Variants in PTK2 observed in about 807,000 individuals in gnomAD.
PTK2 encodes the protein focal adhesion kinase 1.
Under a neutral mutation model 150.1 loss-of-function variants are expected in PTK2, and 45 were observed. The observed-to-expected ratio is 0.30, with a 90% CI of 0.24 to 0.38. The LOEUF is 0.38. PTK2 is among the 10% of genes least tolerant of loss of function. PTK2 has a pLI of 1.00. For missense variants in PTK2, 919 were observed against 1,307.3 expected, an observed-to-expected ratio of 0.70 and a Z score of 4.58; for synonymous variants, 432 against 449.2, an observed-to-expected ratio of 0.96 and a Z score of 0.48.
At chr8:140,694,774 A>C (rs1415969530) in intron 26 of PTK2, among the ~76,000 whole-genome samples, 1 of 152,202 alleles carries the variant, frequency 6.6e-6, no homozygotes, top group Non-Finnish European at 1.5e-5. Flanking sequence ...GACCACAACG[A>C]GATATAATTA....
At chr8:140,701,050 T>G (rs2100030106) in intron 25 of PTK2, 28 bp from the exon 29 acceptor site, 1 of 1,608,578 alleles carries the variant, frequency 6.2e-7, no homozygotes, top group Non-Finnish European at 8.5e-7. Context: ...AACAGCATAT[T>G]CAGTCTCATA....
At chr8:140,901,292 C>T (rs1304230385) in intron 2 of PTK2, among the ~76,000 whole-genome samples, 18 of 152,152 alleles carry the variant, frequency 1.2e-4, no homozygotes, top group Admixed American at 1.1e-3. Flanking sequence ...AAAGACTCAA[C>T]TCTAAGACCT....
chr8:140,891,729 T>C (rs146588074), intron 2 of PTK2, among the ~76,000 whole-genome samples: 1 of 152,296 alleles, frequency 6.6e-6, no homozygotes, highest in African/African-American at 2.4e-5. Context: ...TGAAGACAGT[T>C]ACGGAATCCT....
intron 14 of PTK2, among the ~76,000 whole-genome samples, chr8:140,775,249 C>T (rs531626479): frequency 6.6e-6 from 1 of 152,084 alleles, no homozygotes; most frequent in African/African-American, 2.4e-5. Flanking sequence ...CTAGGGGAGG[C>T]AGAGGTGGGC....
intron 5 of PTK2, among the ~76,000 whole-genome samples, chr8:140,852,594 T>G (rs1389532568): frequency 2.6e-5 from 4 of 152,240 alleles, no homozygotes; most frequent in Admixed American, 6.5e-5. Flanking sequence ...CAAAACTCAC[T>G]AAACTGCATA....
At chr8:140,972,218 GTATT>G (rs1368920353) in intron 1 of PTK2, among the ~76,000 whole-genome samples, 1 of 151,798 alleles carries the variant, frequency 6.6e-6, no homozygotes, top group Non-Finnish European at 1.5e-5. Context: ...CATTAGACCT[GTATT>G]TTTTTAATTA....
chr8:140,932,168 C>T (rs1048763701), intron 1 of PTK2, among the ~76,000 whole-genome samples: 56 of 152,106 alleles, frequency 3.7e-4, no homozygotes, highest in African/African-American at 1.3e-3. Context: ...GCATGTTAAA[C>T]ATAATCACGC....
chr8:140,717,638 A>C, exon 23 of PTK2: 7 of 1,614,098 alleles, frequency 4.3e-6, no homozygotes, highest in Non-Finnish European at 5.9e-6. Context: ...GTCCCAGGAC[A>C]CTGTGGCCTG....
chr8:140,725,588 G>C lies in PTK2; in HGVS notation c.2031-7879C>G, dbSNP rs111539408. On this transcript the variant is annotated intron_variant, in intron 22 of 31. Transcript: ENST00000522684. ...TGGAGCAATTATAGCTAGCAAAAAGGTAATCGGAAAAAAGTGAAGGGAGAA... is the reference window on the plus strand; with the variant it reads ...TGGAGCAATTATAGCTAGCAAAAAGCTAATCGGAAAAAAGTGAAGGGAGAA... Among the ~76,000 whole-genome samples the C allele has an allele frequency of 2.7e-3, 408 of 152,286 alleles. 3 individuals are homozygous for C. The highest frequency in any genetic ancestry group is 9.3e-3 in the African/African-American group (387 of 41,574).
At chr8:140,949,952 A>G (rs1416854604) in intron 1 of PTK2, among the ~76,000 whole-genome samples, 1 of 151,894 alleles carries the variant, frequency 6.6e-6, no homozygotes, top group Non-Finnish European at 1.5e-5. Flanking sequence ...CTCCCTTCTG[A>G]GCCCATAAAA....
chr8:140,810,100 TG>T (rs1317213287), intron 10 of PTK2, among the ~76,000 whole-genome samples: 3 of 151,748 alleles, frequency 2.0e-5, no homozygotes, highest in Non-Finnish European at 4.4e-5. Context: ...AATGGGTGAG[TG>T]GAACTGGCAA....
At chr8:140,773,662 G>A (rs574090144) in intron 14 of PTK2, among the ~76,000 whole-genome samples, 1 of 152,204 alleles carries the variant, frequency 6.6e-6, no homozygotes, top group African/African-American at 2.4e-5. Context: ...AGGGGGAGGT[G>A]GCACTGAGAT....
intron 1 of PTK2, among the ~76,000 whole-genome samples, chr8:140,982,981 G>C (rs943720521): frequency 4.6e-5 from 7 of 152,232 alleles, no homozygotes; most frequent in African/African-American, 1.7e-4. Context: ...TAACAGAAAA[G>C]TCACAGAATT....
intron 23 of PTK2, among the ~76,000 whole-genome samples, chr8:140,712,470 A>G (rs1331878218): frequency 4.6e-5 from 7 of 152,210 alleles, no homozygotes. Context: ...TGACACCAAA[A>G]TGCAAGTGGT....
chr8:140,970,946 AAC>A (rs557329445), intron 1 of PTK2, among the ~76,000 whole-genome samples: 153 of 152,260 alleles, frequency 1.0e-3, no homozygotes, highest in Non-Finnish European at 1.7e-3. Context: ...TTTCAATAAG[AAC>A]AGTTGCTCAA....
At chr8:140,834,748 G>A (rs1455426628) in intron 7 of PTK2, among the ~76,000 whole-genome samples, 4 of 152,136 alleles carry the variant, frequency 2.6e-5, no homozygotes, top group Non-Finnish European at 5.9e-5. Context: ...CTTAGCCATC[G>A]AGATTTAAGG....
chr8:140,917,610 C>G (rs1042604675), intron 2 of PTK2, among the ~76,000 whole-genome samples: 6 of 152,122 alleles, frequency 3.9e-5, no homozygotes, highest in Non-Finnish European at 8.8e-5. Flanking sequence ...GATTTACCTA[C>G]AAAACACTGT....
chr8:140,881,289 G>A lies in PTK2; in HGVS notation c.196-1652C>T, dbSNP rs193279511. ...TTTAAACCTTGTGCTCTGGGGTGGG[G>A]AACTTGCCTAAAGGAAGGAGCACCT... On this transcript the variant is annotated intron_variant, in intron 3 of 31. Coordinates refer to ENST00000522684, the Ensembl canonical transcript of PTK2. Among the ~76,000 whole-genome samples, 7 of 152,316 alleles carry A rather than the reference G, an allele frequency of 4.6e-5. 1 individual carries two copies. Among genetic ancestry groups the A allele is most frequent in the African/African-American group, 1.7e-4 (7 of 41,560 alleles).
At chr8:140,692,795 A>T (rs2100023980) in intron 26 of PTK2, among the ~76,000 whole-genome samples, 1 of 152,204 alleles carries the variant, frequency 6.6e-6, no homozygotes, top group African/African-American at 2.4e-5. Context: ...GGGAAAAAAT[A>T]GGAGAGCTGT....
Sources: gnomAD v4.1 joint callset for allele counts (sites outside exome capture counted in the v4.1 genomes callset) on GRCh38, gnomAD v4.1.1 for gene constraint, MANE v1.5 for transcripts, NCBI Gene and HGNC (gene_info 2026-07-23, HGNC 2026-07-21) for gene names.